CFAP210: variants seen among roughly 807,000 people sequenced by gnomAD.
The protein encoded by CFAP210 is cilia- and flagella- associated protein 210.
At chr2:169,693,692 T>G in the CFAP210 span, among the ~76,000 whole-genome samples, 1 of 152,230 alleles carries the variant, frequency 6.6e-6, no homozygotes, top group African/African-American at 2.4e-5. Flanking sequence ...TCACCTGAAT[T>G]ACAGTACTTT....
chr2:169,649,853 C>A, the CFAP210 span, among the ~76,000 whole-genome samples: 1 of 151,962 alleles, frequency 6.6e-6, no homozygotes, highest in East Asian at 1.9e-4. Flanking sequence ...ATTGCTTGAA[C>A]CCAGGAGGCG....
the CFAP210 span, among the ~76,000 whole-genome samples, chr2:169,677,097 A>G: frequency 3.3e-5 from 5 of 152,208 alleles, no homozygotes; most frequent in African/African-American, 4.8e-5. Flanking sequence ...CAGCAAAAGC[A>G]CTATGCAGTT....
the CFAP210 span, among the ~76,000 whole-genome samples, chr2:169,666,827 G>T: frequency 6.6e-6 from 1 of 152,056 alleles, no homozygotes; most frequent in South Asian, 2.1e-4. Context: ...ATCCTTTGCT[G>T]CCATTTGAAT....
chr2:169,662,202 C>T, the CFAP210 span: 1 of 1,444,818 alleles, frequency 6.9e-7, no homozygotes, highest in Non-Finnish European at 9.5e-7. Flanking sequence ...TAAACATGTA[C>T]AAATATATTA....
the CFAP210 span, among the ~76,000 whole-genome samples, chr2:169,684,720 C>T: frequency 6.6e-6 from 1 of 152,184 alleles, no homozygotes; most frequent in African/African-American, 2.4e-5. Context: ...GTGGCACAAT[C>T]TCGGTTCACT....
At chr2:169,674,080 G>C in the CFAP210 span, among the ~76,000 whole-genome samples, 13,316 of 152,154 alleles carry the variant, frequency 0.088, 626 homozygotes, top group Middle Eastern at 0.13. Flanking sequence ...GGAAGGCCAA[G>C]TATACTTCCT....
At chr2:169,653,013 AAAAAAAAAAAAAAAAAATATATATAT>A in the CFAP210 span, among the ~76,000 whole-genome samples, 1 of 57,534 alleles carries the variant, frequency 1.7e-5, no homozygotes, top group African/African-American at 7.1e-5. Context: ...AAAAAAAAAA[AAAAAAAAAAAAAAAAAATATATATAT>A]ATATATATAT....
the CFAP210 span, chr2:169,654,208 T>A: frequency 6.3e-7 from 1 of 1,576,974 alleles, no homozygotes; most frequent in Non-Finnish European, 8.6e-7. Flanking sequence ...TTATCCTGCA[T>A]ATGTTCCTTG....
At chr2:169,665,647 G>C in the CFAP210 span, among the ~76,000 whole-genome samples, 1 of 152,218 alleles carries the variant, frequency 6.6e-6, no homozygotes, top group South Asian at 2.1e-4. Context: ...CTACAACAGA[G>C]AGGCTGACTA....
At chr2:169,689,306 GT>G in the CFAP210 span, among the ~76,000 whole-genome samples, 1 of 152,060 alleles carries the variant, frequency 6.6e-6, no homozygotes, top group Non-Finnish European at 1.5e-5. Flanking sequence ...ATGTTTTGTA[GT>G]TTTTTAAAGG....
the CFAP210 span, among the ~76,000 whole-genome samples, chr2:169,679,241 T>C: frequency 3.3e-5 from 5 of 152,224 alleles, no homozygotes; most frequent in Non-Finnish European, 7.3e-5. Context: ...AACTTTTATT[T>C]TAGGTTCAAA....
chr2:169,691,710 T>A, the CFAP210 span, among the ~76,000 whole-genome samples: 8 of 152,226 alleles, frequency 5.3e-5, no homozygotes, highest in Non-Finnish European at 7.3e-5. Flanking sequence ...TTTCATAATT[T>A]TTATTAAAAA....
the CFAP210 span, among the ~76,000 whole-genome samples, chr2:169,651,626 A>T: frequency 6.6e-6 from 1 of 151,730 alleles, no homozygotes; most frequent in East Asian, 2.0e-4. Context: ...AAATGCTGGG[A>T]TTACAGGTGT....
chr2:169,660,064 T>G, the CFAP210 span, among the ~76,000 whole-genome samples: 1 of 151,432 alleles, frequency 6.6e-6, no homozygotes, highest in Middle Eastern at 3.4e-3. Flanking sequence ...GCTAGAGGTT[T>G]GTAAATTTTG....
chr2:169,661,569 T>C, the CFAP210 span, among the ~76,000 whole-genome samples: 1 of 152,264 alleles, frequency 6.6e-6, no homozygotes, highest in Non-Finnish European at 1.5e-5. Flanking sequence ...GACAAAAATA[T>C]TACCATTTGT....
the CFAP210 span, among the ~76,000 whole-genome samples, chr2:169,661,964 G>C: frequency 2.0e-5 from 3 of 152,118 alleles, no homozygotes; most frequent in African/African-American, 7.2e-5. Flanking sequence ...AGACACAGTG[G>C]GGATGTACAA....
At chr2:169,645,608 T>G in the CFAP210 span, 1 of 458,206 alleles carries the variant, frequency 2.2e-6, no homozygotes, top group East Asian at 3.9e-5. Context: ...TGAATGTACT[T>G]AATACCACTG....
chr2:169,679,559 T>C, the CFAP210 span, among the ~76,000 whole-genome samples: 2 of 151,778 alleles, frequency 1.3e-5, no homozygotes, highest in East Asian at 1.9e-4. Context: ...CAGATGCCTG[T>C]AGTCCCAGCT....
At chr2:169,646,737 G>A in the CFAP210 span, among the ~76,000 whole-genome samples, 1 of 152,214 alleles carries the variant, frequency 6.6e-6, no homozygotes, top group Non-Finnish European at 1.5e-5. Flanking sequence ...AGTGGAATAA[G>A]TAGGCAATTT....
Sources: allele counts gnomAD v4.1 joint callset (sites outside exome capture counted in the v4.1 genomes callset), GRCh38; gene constraint gnomAD v4.1.1; transcripts MANE v1.5; gene names NCBI Gene and HGNC (gene_info 2026-07-23, HGNC 2026-07-21).